PKD1L1: variants seen among roughly 807,000 people sequenced by gnomAD.
PKD1L1 encodes polycystin-1-like protein 1.
In PKD1L1, 236 loss-of-function variants were observed where a neutral mutation model predicts 323.4. The ratio of observed to expected loss-of-function variants is 0.73; its 90% CI spans 0.66 to 0.81. The LOEUF (loss-of-function observed/expected upper bound fraction) is 0.81. Among genes scored for constraint, PKD1L1 ranks in the 40% least tolerant of loss-of-function variants. PKD1L1 has a pLI of 0.00. For synonymous variants in PKD1L1, 1,344 were observed against 1,335.0 expected (o/e 1.01, Z -0.15); for missense variants, 3,320 against 3,508.0 (o/e 0.95, Z 1.35).
intron 28 of PKD1L1, among the ~76,000 whole-genome samples, chr7:47,856,573 G>T (rs1785909279): frequency 6.6e-6 from 1 of 152,296 alleles, no homozygotes; most frequent in Middle Eastern, 3.4e-3. Context: ...AGGCCAGGTT[G>T]TTGCTGGATG....
intron 33 of PKD1L1, among the ~76,000 whole-genome samples, chr7:47,843,846 C>T (rs1015302205): frequency 9.9e-5 from 15 of 152,222 alleles, no homozygotes; most frequent in African/African-American, 3.6e-4. Context: ...GTCTATGTCA[C>T]ACGGGGATGT....
intron 31 of PKD1L1, among the ~76,000 whole-genome samples, chr7:47,851,156 A>G (rs1324781188): frequency 6.6e-6 from 1 of 152,212 alleles, no homozygotes; most frequent in Non-Finnish European, 1.5e-5. Context: ...TGTGATGCGC[A>G]GTTCTTGTGT....
chr7:47,833,062 G>C, intron 41 of PKD1L1, 28 bp downstream of exon 41: 3 of 1,594,940 alleles, frequency 1.9e-6, no homozygotes, highest in Non-Finnish European at 2.6e-6. Context: ...CTGGCAGGAA[G>C]GGGGCTGTGG....
chr7:47,829,922 A>T, intron 43 of PKD1L1, 118 bp downstream of exon 43: 1 of 963,722 alleles, frequency 1.0e-6, no homozygotes. Flanking sequence ...CTCCAACCAC[A>T]GCTGAAATCA....
rs1784850670 is a variant in PKD1L1, at chr7:47,809,539, AAC to A, written c.7618_7619del (p.Val2540SerfsTer48). The part of the protein sequence containing the change: ...FLALSLIHLC[V>X]QLYRMMDKGV... ...CCTTGTCCATCATACGGTAGAGTTG[AAC>A]ACAGAGGTGGATCAGGCTGAGTGCC... On this transcript the variant is annotated frameshift_variant, in exon 51 of 57. Transcript: ENST00000289672. LOFTEE classifies it high-confidence loss of function. 1 of 1,608,616 alleles carries A rather than the reference AAC, an allele frequency of 6.2e-7. No individual in the cohort carries two copies. The highest frequency in any genetic ancestry group is 1.7e-5 in the Admixed American group (1 of 59,086).
intron 26 of PKD1L1, among the ~76,000 whole-genome samples, chr7:47,860,768 C>T (rs904606871): frequency 1.3e-5 from 2 of 151,748 alleles, no homozygotes; most frequent in African/African-American, 4.8e-5. Context: ...ATTTCCCACT[C>T]TGAACTAAGA....
the PKD1L1 span, among the ~76,000 whole-genome samples, chr7:47,954,606 T>TCC: frequency 4.4e-5 from 5 of 113,454 alleles, no homozygotes; most frequent in Admixed American, 4.6e-4. Flanking sequence ...AAACTGTAAT[T>TCC]ACTCTTTTCT....
intron 24 of PKD1L1, among the ~76,000 whole-genome samples, chr7:47,873,676 G>GAAAAAAAAAAAAA (rs1562967528): frequency 7.6e-6 from 1 of 131,916 alleles, no homozygotes; most frequent in Non-Finnish European, 1.6e-5. Context: ...AAAAAAGAAG[G>GAAAAAAAAAAAAA]AGAAGAAAGT....
chr7:47,922,470 GTC>G (rs1787566032), intron 7 of PKD1L1, among the ~76,000 whole-genome samples: 1 of 151,758 alleles, frequency 6.6e-6, no homozygotes, highest in Non-Finnish European at 1.5e-5. Flanking sequence ...AGTGAGGAGC[GTC>G]TCTGCCCGGC....
At chr7:47,812,977 G>T in intron 49 of PKD1L1, 144 bp downstream of exon 49, 1 of 928,762 alleles carries the variant, frequency 1.1e-6, no homozygotes, top group Non-Finnish European at 1.6e-6. Context: ...GACAAGTCTG[G>T]CTGGAGCCCC....
intron 19 of PKD1L1, among the ~76,000 whole-genome samples, chr7:47,882,346 G>T (rs1228423707): frequency 7.1e-6 from 1 of 141,128 alleles, no homozygotes; most frequent in African/African-American, 2.5e-5. Flanking sequence ...ATTTATTAAG[G>T]TCTACTAAGT....
intron 20 of PKD1L1, 146 bp downstream of exon 20, chr7:47,881,763 C>T: frequency 2.5e-6 from 2 of 785,200 alleles, no homozygotes; most frequent in Non-Finnish European, 4.0e-6. Flanking sequence ...AGGCCATAGT[C>T]CATAGAAGAA....
Position 47,840,694 on chromosome 7 carries a change from G to T in PKD1L1, c.5446-127C>A. Reference sequence around the variant, plus strand: ...TCCTCAAAACCATCTGCACGGTGGAGTGCCACAGCCTAGAGCCAGGGGATG... The same window carrying T: ...TCCTCAAAACCATCTGCACGGTGGATTGCCACAGCCTAGAGCCAGGGGATG... On this transcript the variant is annotated intron_variant, in intron 34 of 56. Transcript: ENST00000289672. The surrounding 1 kb of genome is among the most constrained non-coding windows in gnomAD (Gnocchi z 4.1). The T allele has an allele frequency of 1.4e-6, 1 of 699,452 alleles. No individual in the cohort carries two copies. The highest frequency in any genetic ancestry group is 2.4e-6 in the Non-Finnish European group (1 of 408,944). The allele number at this position is 699,452 out of a possible 1,614,324, so 43.3% of individuals were successfully genotyped here. A position where few individuals can be genotyped will look rare whatever the true frequency, so the allele number is the denominator to read the frequency against.
Position 47,774,888 on chromosome 7 carries a change from G to C in PKD1L1, c.*255C>G, listed in dbSNP as rs1486640212. On this transcript the variant is annotated 3_prime_UTR_variant, in exon 57 of 57. Transcript: ENST00000289672. ...GGCAACTGGCAAATTAACCATTTGG[G>C]AGAAGGCTGGAGTTAGAATCTTGTC... is the stretch of plus-strand genomic sequence containing the variant. 2.4e-6 allele frequency: 1 copy of C among 413,702 alleles called. No individual in the cohort carries two copies. Among genetic ancestry groups the C allele is most frequent in the Non-Finnish European group, 4.3e-6 (1 of 231,516 alleles). 25.6% of individuals were successfully genotyped at this position (413,702 alleles called of 1,614,324 possible). A position where few individuals can be genotyped will look rare whatever the true frequency, so the allele number is the denominator to read the frequency against.
chr7:47,797,815 A>C (rs1023307566), intron 54 of PKD1L1, among the ~76,000 whole-genome samples: 5 of 152,250 alleles, frequency 3.3e-5, no homozygotes, highest in Admixed American at 3.3e-4. Flanking sequence ...CCTAGGAAGA[A>C]TAAATGAGTC....
intron 50 of PKD1L1, among the ~76,000 whole-genome samples, chr7:47,811,014 C>A (rs1784880956): frequency 6.6e-6 from 1 of 152,160 alleles, no homozygotes; most frequent in Non-Finnish European, 1.5e-5. Flanking sequence ...CCTGTGTATA[C>A]CCACAAAGAA....
intron 48 of PKD1L1, chr7:47,813,609 A>G: frequency 1.5e-6 from 1 of 662,956 alleles, no homozygotes; most frequent in Non-Finnish European, 2.8e-6. Flanking sequence ...CCCATTAGAA[A>G]AAGATATGTG....
At chr7:47,931,801 A>G (rs1385398335) in intron 5 of PKD1L1, 135 bp downstream of exon 5, 1 of 1,192,150 alleles carries the variant, frequency 8.4e-7, no homozygotes, top group African/African-American at 1.5e-5. Flanking sequence ...CAGTGTCCAA[A>G]TGACTTAGAA....
In PKD1L1 at chr7:47,893,880, G is replaced by A. The variant is rs1351263519; in HGVS notation, c.2451C>T (p.Leu817=). 6 of 1,612,544 alleles carry A rather than the reference G, an allele frequency of 3.7e-6. No homozygotes were observed. Among genetic ancestry groups the A allele is most frequent in the African/African-American group, 1.3e-5 (1 of 74,922 alleles). The stretch of plus-strand genomic sequence containing the variant: ...CTCTGTGTGGGGGTGGTGCTCACCT[G>A]AGAGTCGCCCCAGGGTCGTCAGGGT... ...SFDPDDPGAT[L]RYHWECATAG... is the part of the protein sequence containing the mutation. Residue 817 remains leucine, a splice_region_variant and synonymous_variant, in exon 15 of 57, where the codon CTC becomes CTT. Coordinates refer to ENST00000289672, the MANE Select transcript of PKD1L1 (RefSeq NM_138295.5).
Sources: gnomAD v4.1 joint callset for allele counts (sites outside exome capture counted in the v4.1 genomes callset) on GRCh38, gnomAD v4.1.1 for gene constraint, Gnocchi (gnomAD v3.1) non-coding constraint, MANE v1.5 for transcripts, NCBI Gene and HGNC (gene_info 2026-07-23, HGNC 2026-07-21) for gene names.